Variants in CATSPERD observed in about 807,000 individuals in gnomAD.
CATSPERD encodes cation channel sperm-associated auxiliary subunit delta.
In CATSPERD, 86 loss-of-function variants were observed where a neutral mutation model predicts 98.1. That is an observed-to-expected ratio of 0.88 (90% confidence interval 0.74 to 1.05). CATSPERD has a LOEUF of 1.05. Ranked by LOEUF, CATSPERD falls within the 50% of genes least tolerant of loss-of-function variation. The pLI, the probability that CATSPERD is intolerant of heterozygous loss-of-function variation, is 0.00. For synonymous variants in CATSPERD, 394 were observed against 390.2 expected (o/e 1.01, Z -0.12); for missense variants, 995 against 1,005.7 (o/e 0.99, Z 0.14).
chr19:5,761,282 A>C (rs1414176068), intron 15 of CATSPERD, among the ~76,000 whole-genome samples: 1 of 151,964 alleles, frequency 6.6e-6, no homozygotes, highest in Non-Finnish European at 1.5e-5. Context: ...CTGTATTTTT[A>C]CTAGAGACGG....
chr19:5,742,993 TGCAGGTGG>T (rs1272481120), intron 7 of CATSPERD, among the ~76,000 whole-genome samples: 1 of 152,004 alleles, frequency 6.6e-6, no homozygotes. Flanking sequence ...AAAGGAACTT[TGCAGGTGG>T]GATTAAATTA....
intron 12 of CATSPERD, 43 bp downstream of exon 12, chr19:5,751,866 T>G: frequency 6.5e-7 from 1 of 1,549,624 alleles, no homozygotes; most frequent in South Asian, 1.2e-5. Flanking sequence ...AATGTAGTTT[T>G]TAAAGACAAA....
intron 1 of CATSPERD, among the ~76,000 whole-genome samples, chr19:5,723,793 T>G (rs1308860784): frequency 6.7e-6 from 1 of 150,268 alleles, no homozygotes; most frequent in Non-Finnish European, 1.5e-5. Context: ...TTTTTTTTTT[T>G]GAGATGGAGT....
intron 15 of CATSPERD, among the ~76,000 whole-genome samples, chr19:5,762,058 A>ATATATATATATATATATTT: frequency 4.8e-4 from 5 of 10,436 alleles, no homozygotes; most frequent in African/African-American, 9.8e-4. Context: ...ATATATATAT[A>ATATATATATATATATATTT]TTTTTTTTTT....
At chr19:5,730,047 G>A (rs2055684137) in intron 4 of CATSPERD, 103 bp downstream of exon 4, 1 of 721,446 alleles carries the variant, frequency 1.4e-6, no homozygotes, top group Non-Finnish European at 2.3e-6. Context: ...TTAGTTTAGA[G>A]GTTTATTTTA....
chr19:5,727,313 C>T lies in CATSPERD; in HGVS notation c.172C>T (p.Pro58Ser). Reference protein sequence around the residue: ...HPTTTRLIKHPCEKNIALYLG... With the variant: ...HPTTTRLIKHSCEKNIALYLG... ...TACAACAACACGCTTGATTAAACAT[C>T]CTTGCGAGAAAAATATAGCACTATA... Residue 58 changes from proline (P) to serine (S), a missense_variant, in exon 3 of 22, where the codon CCT (proline) becomes TCT (serine). Coordinates refer to ENST00000381624, the MANE Select transcript of CATSPERD (RefSeq NM_152784.4). 2 of 1,613,564 alleles carry T rather than the reference C, an allele frequency of 1.2e-6. No individual in the cohort carries two copies. Among genetic ancestry groups the T allele is most frequent in the African/African-American group, 1.3e-5 (1 of 75,020 alleles).
rs35847357 is a variant in CATSPERD, at chr19:5,772,214, ATTTTTTTTT to A, written c.1764-551_1764-543del. 1,317 of 154,290 alleles carry A rather than the reference ATTTTTTTTT, an allele frequency of 8.5e-3. 3 individuals carry two copies. Among genetic ancestry groups the A allele is most frequent in the African/African-American group, 0.05 (647 of 12,956 alleles). 9.6% of individuals were successfully genotyped at this position (154,290 alleles called of 1,614,324 possible). A position where few individuals can be genotyped will look rare whatever the true frequency, so the allele number is the denominator to read the frequency against. ...AGTTGCATACCACAATGCCCGGTTA[ATTTTTTTTT>A]TTTTTTTTTTTTTTTTTTTTTTGAG... On this transcript the variant is annotated intron_variant, in intron 19 of 21. Coordinates refer to ENST00000381624, the MANE Select transcript of CATSPERD (RefSeq NM_152784.4).
intron 7 of CATSPERD, among the ~76,000 whole-genome samples, chr19:5,742,704 G>T (rs1188349757): frequency 6.6e-6 from 1 of 152,072 alleles, no homozygotes. Context: ...CTGGAGGATT[G>T]CTTGAGCCTG....
chr19:5,776,013 C>T (rs565222682), intron 20 of CATSPERD, 148 bp from the exon 21 acceptor site: 20 of 772,100 alleles, frequency 2.6e-5, no homozygotes, highest in African/African-American at 1.9e-4. Context: ...CATGAACCTG[C>T]CCACACCATG....
rs1004094484 is a variant in CATSPERD at position 5,737,275 on chromosome 19, T to G, written c.459+70T>G. The G allele has an allele frequency of 3.6e-6, 4 of 1,107,782 alleles. No homozygotes were observed. In the East Asian group the frequency reaches 7.3e-5, roughly 20 times the overall value. The allele number at this position is 1,107,782 out of a possible 1,614,324, so 68.6% of individuals were successfully genotyped here. ...GAACACAAATAATCATGAGTAGACATAAAGGCTGGGCGTGGTGGCTCATAC... is the reference window on the plus strand; with the variant it reads ...GAACACAAATAATCATGAGTAGACAGAAAGGCTGGGCGTGGTGGCTCATAC... On this transcript the variant is annotated intron_variant, in intron 6 of 21. Transcript: ENST00000381624.
At chr19:5,776,805 C>G (rs1402397480) in intron 21 of CATSPERD, among the ~76,000 whole-genome samples, 1 of 150,702 alleles carries the variant, frequency 6.6e-6, no homozygotes, top group African/African-American at 2.4e-5. Context: ...ACCCGGGAGG[C>G]AGAGGTTGCA....
intron 10 of CATSPERD, among the ~76,000 whole-genome samples, chr19:5,748,728 CTT>C (rs527796326): frequency 1.1e-5 from 1 of 94,080 alleles, no homozygotes; most frequent in African/African-American, 4.3e-5. Flanking sequence ...TCATATTATT[CTT>C]TTTTTTTTTT....
rs890335624 is a variant in CATSPERD, at chr19:5,741,793, GGGGGGTGGT to G, written c.573+2356_573+2364del. On this transcript the variant is annotated intron_variant, in intron 7 of 21. Transcript: ENST00000381624. ...CTTTGGGATGCTGAAGGCGGGGGGGGGGGGGTGGTGTGGATCACTTGAGGTCAGGAGTTC... is the reference window on the plus strand; with the variant it reads ...CTTTGGGATGCTGAAGGCGGGGGGGGGTGGATCACTTGAGGTCAGGAGTTC... 6.9e-4 allele frequency among the ~76,000 whole-genome samples: 66 copies of G among 96,172 alleles called. 11 individuals carry two copies. Among genetic ancestry groups the G allele is most frequent in the South Asian group, 2.6e-3 (6 of 2,330 alleles). 63.1% of individuals were successfully genotyped at this position (96,172 alleles called of 152,430 possible).
chr19:5,776,799 G>A (rs924640345), intron 21 of CATSPERD, among the ~76,000 whole-genome samples: 3 of 151,868 alleles, frequency 2.0e-5, no homozygotes, highest in Admixed American at 2.0e-4. Flanking sequence ...GCTTGAACCC[G>A]GGAGGCAGAG....
At chr19:5,775,204 G>A (rs1167754851) in intron 20 of CATSPERD, 2 of 470,164 alleles carry the variant, frequency 4.3e-6, no homozygotes, top group Middle Eastern at 3.2e-4. Context: ...TGAAGGAAGG[G>A]GGAACGAATG....
intron 7 of CATSPERD, among the ~76,000 whole-genome samples, chr19:5,740,403 C>T (rs1424219311): frequency 6.6e-6 from 1 of 151,708 alleles, no homozygotes; most frequent in Non-Finnish European, 1.5e-5. Flanking sequence ...GCCTGACCAA[C>T]ATGGAGAAAC....
intron 5 of CATSPERD, among the ~76,000 whole-genome samples, chr19:5,734,413 C>A (rs964631976): frequency 6.6e-6 from 1 of 151,962 alleles, no homozygotes; most frequent in Non-Finnish European, 1.5e-5. Flanking sequence ...CTGAGGCGGG[C>A]GGATCATCTG....
In CATSPERD at chr19:5,744,438, T is replaced by C. The variant is rs1162493858; in HGVS notation, c.585T>C (p.Ile195=). The change falls in exon 8 of 22, where the codon ATT becomes ATC. Residue 195 remains isoleucine, a synonymous_variant. Transcript: ENST00000381624. ...TGTTTGTTTCATAGGCAGAAATCAT[T>C]GGGTCTTTAGGCGGAATCTTCCACT... ...KYHYDRQAEI[I]GSLGGIFHFF... 6.2e-7 allele frequency: 1 copy of C among 1,611,796 alleles called. No homozygotes were observed. The highest frequency in any genetic ancestry group is 1.1e-5 in the South Asian group (1 of 91,022).
intron 4 of CATSPERD, 23 bp from the exon 5 acceptor site, chr19:5,733,833 A>G (rs1568344230): frequency 3.4e-6 from 5 of 1,468,432 alleles, no homozygotes; most frequent in Non-Finnish European, 4.7e-6. Flanking sequence ...TCTCATTGAT[A>G]TCATCCATAT....
Sources: allele counts gnomAD v4.1 joint callset (sites outside exome capture counted in the v4.1 genomes callset), GRCh38; gene constraint gnomAD v4.1.1; transcripts MANE v1.5; gene names NCBI Gene and HGNC (gene_info 2026-07-23, HGNC 2026-07-21).